The following TCF12 variants were observed in gnomAD, a reference collection of about 807,000 sequenced individuals.
TCF12 encodes the protein transcription factor 12.
In TCF12, 45 loss-of-function variants were observed where a neutral mutation model predicts 86.0. That is an observed-to-expected ratio of 0.52 (90% CI 0.41 to 0.67). The LOEUF is 0.67. Among genes scored for constraint, TCF12 ranks in the 30% least tolerant of loss-of-function variants. The pLI is 0.00. For synonymous variants in TCF12, 330 were observed against 299.6 expected, an observed-to-expected ratio of 1.10 and a Z score of -1.05; for missense variants, 881 against 859.9, an observed-to-expected ratio of 1.02 and a Z score of -0.31.
At chr15:57,185,554 A>T (rs1190481081) in intron 6 of TCF12, among the ~76,000 whole-genome samples, 13 of 152,204 alleles carry the variant, frequency 8.5e-5, no homozygotes, top group Admixed American at 8.5e-4. Context: ...AACAAAATAG[A>T]GACAAGAAGG....
At chr15:57,013,423 G>C (rs543549893) in intron 3 of TCF12, among the ~76,000 whole-genome samples, 3 of 152,206 alleles carry the variant, frequency 2.0e-5, no homozygotes, top group African/African-American at 7.2e-5. Context: ...CAATCCTTCC[G>C]TCTCAGCCTC....
At chr15:57,240,425 G>A (rs1215500130) in intron 12 of TCF12, among the ~76,000 whole-genome samples, 1 of 152,172 alleles carries the variant, frequency 6.6e-6, no homozygotes, top group Non-Finnish European at 1.5e-5. Flanking sequence ...GCATAGAACT[G>A]ACGATTTCTC....
At position 56,983,176 on chromosome 15, in the gene TCF12, T is replaced by G. The variant is rs559352452; in HGVS notation, c.148+62078T>G. ...CCTTGATATGTATTCAACTCTGTCC[T>G]GTTACCTTTGTCTCCCGTAGTCATT... On this transcript the variant is annotated intron_variant, in intron 3 of 20. Coordinates refer to ENST00000333725, the MANE Select transcript of TCF12 (RefSeq NM_207037.2). Among the ~76,000 whole-genome samples, 546 of 152,346 alleles carry G rather than the reference T, an allele frequency of 3.6e-3. 4 individuals are homozygous for G. Among genetic ancestry groups the G allele is most frequent in the African/African-American group, 0.013 (520 of 41,584 alleles).
chr15:57,156,802 A>C (rs1462270725), intron 5 of TCF12, among the ~76,000 whole-genome samples: 1 of 152,210 alleles, frequency 6.6e-6, no homozygotes, highest in Non-Finnish European at 1.5e-5. Context: ...GTCTAAATTA[A>C]ATAGTCAAAA....
chr15:56,979,354 T>C (rs1173672978), intron 3 of TCF12, among the ~76,000 whole-genome samples: 2 of 152,178 alleles, frequency 1.3e-5, no homozygotes, highest in Non-Finnish European at 2.9e-5. Flanking sequence ...ATCTCTCCCA[T>C]TGACTTTCCT....
intron 4 of TCF12, among the ~76,000 whole-genome samples, chr15:57,082,733 A>G (rs760101541): frequency 6.6e-6 from 1 of 152,206 alleles, no homozygotes; most frequent in Non-Finnish European, 1.5e-5. Context: ...ACATATTTCT[A>G]TTCTAGAGAA....
chr15:56,918,172 GGGCCCAGCTTAGGGT>G (rs1379866016), upstream of TCF12: 7 of 455,866 alleles, frequency 1.5e-5, no homozygotes, highest in East Asian at 4.9e-4. Context: ...GGGAGCCTCT[GGGCCCAGCTTAGGGT>G]GGCGTCCAGC....
chr15:57,119,228 G>A (rs536070521), intron 5 of TCF12, among the ~76,000 whole-genome samples: 12 of 152,060 alleles, frequency 7.9e-5, no homozygotes, highest in Non-Finnish European at 1.6e-4. Context: ...GAGTAGCTGG[G>A]ACTGCAAGTA....
intron 5 of TCF12, among the ~76,000 whole-genome samples, chr15:57,136,672 G>A (rs914600982): frequency 4.6e-5 from 7 of 151,996 alleles, no homozygotes; most frequent in Non-Finnish European, 8.8e-5. Context: ...CCTTCATTTC[G>A]TAATAGATGT....
At chr15:57,073,246 G>T (rs1474197919) in intron 4 of TCF12, among the ~76,000 whole-genome samples, 4 of 152,030 alleles carry the variant, frequency 2.6e-5, no homozygotes, top group Admixed American at 2.6e-4. Flanking sequence ...TCTTCTAACT[G>T]TTCAGATTTT....
At chr15:57,141,158 G>A (rs2052933706) in intron 5 of TCF12, among the ~76,000 whole-genome samples, 1 of 152,022 alleles carries the variant, frequency 6.6e-6, no homozygotes, top group South Asian at 2.1e-4. Flanking sequence ...CTTCTCCACT[G>A]GTATCAAATC....
At chr15:57,022,469 A>G (rs1203675537) in intron 3 of TCF12, among the ~76,000 whole-genome samples, 1 of 152,098 alleles carries the variant, frequency 6.6e-6, no homozygotes, top group Non-Finnish European at 1.5e-5. Flanking sequence ...TCTATCATTG[A>G]TGGACATTTG....
chr15:57,236,883 A>G (rs1460470595), intron 12 of TCF12, among the ~76,000 whole-genome samples: 1 of 152,046 alleles, frequency 6.6e-6, no homozygotes, highest in African/African-American at 2.4e-5. Flanking sequence ...AAGGAAAGGA[A>G]AATCTGGGTA....
chr15:57,091,449 A>G (rs1374849432), intron 4 of TCF12, among the ~76,000 whole-genome samples: 1 of 152,186 alleles, frequency 6.6e-6, no homozygotes, highest in Admixed American at 6.5e-5. Flanking sequence ...GATGTAAAGT[A>G]ATCTTAGAGG....
intron 3 of TCF12, among the ~76,000 whole-genome samples, chr15:56,956,754 C>T (rs1304557923): frequency 1.3e-5 from 2 of 151,878 alleles, no homozygotes; most frequent in African/African-American, 4.8e-5. Context: ...ATAGTCTTAT[C>T]TTTATTCCTC....
intron 5 of TCF12, among the ~76,000 whole-genome samples, chr15:57,138,014 G>C (rs1229724592): frequency 1.3e-5 from 2 of 150,544 alleles, no homozygotes; most frequent in Non-Finnish European, 3.0e-5. Flanking sequence ...GGCTGACAGA[G>C]TGAGACTCTG....
chr15:57,279,957 G>T (rs373004070), intron 19 of TCF12, among the ~76,000 whole-genome samples: 1 of 144,034 alleles, frequency 6.9e-6, no homozygotes, highest in African/African-American at 2.6e-5. Context: ...GCAGTGGCGC[G>T]ATTTCGGCTC....
At chr15:57,078,738 A>T (rs533827365) in intron 4 of TCF12, among the ~76,000 whole-genome samples, 4 of 152,364 alleles carry the variant, frequency 2.6e-5, no homozygotes, top group African/African-American at 9.6e-5. Flanking sequence ...TAAGACGAGA[A>T]GATGAAGTAT....
chr15:57,045,941 A>G (rs1432406058), intron 3 of TCF12, among the ~76,000 whole-genome samples: 2 of 152,228 alleles, frequency 1.3e-5, no homozygotes, highest in Admixed American at 1.3e-4. Context: ...AATACCACAA[A>G]TGGGAAATCC....
Sources: allele counts gnomAD v4.1 joint callset (sites outside exome capture counted in the v4.1 genomes callset), GRCh38; gene constraint gnomAD v4.1.1; transcripts MANE v1.5; gene names NCBI Gene and HGNC (gene_info 2026-07-23, HGNC 2026-07-21).